CDH13: variants seen among roughly 807,000 people sequenced by gnomAD.
The protein encoded by CDH13 is cadherin-13.
A neutral mutation model predicts 63.8 loss-of-function variants in CDH13; 24 were observed. The observed-to-expected ratio is 0.38, with a 90% CI of 0.27 to 0.53. The LOEUF is 0.53. Among genes scored for constraint, CDH13 ranks in the 20% least tolerant of loss-of-function variants. The pLI is 0.85. For synonymous variants in CDH13, 503 were observed against 355.3 expected (o/e 1.42, Z -4.67); for missense variants, 1,049 against 903.1 (o/e 1.16, Z -2.07).
chr16:83,216,959 A>T (rs2039554517), intron 4 of CDH13, among the ~76,000 whole-genome samples: 1 of 152,156 alleles, frequency 6.6e-6, no homozygotes, highest in Non-Finnish European at 1.5e-5. Context: ...TGATCAATGC[A>T]TGCGCAGCAA....
intron 5 of CDH13, among the ~76,000 whole-genome samples, chr16:83,261,663 G>A (rs1907006420): frequency 6.6e-6 from 1 of 151,102 alleles, no homozygotes; most frequent in Admixed American, 6.6e-5. Context: ...GAGAAGCCCT[G>A]CAAAAAACTT....
chr16:83,060,602 T>G (rs1038532931), intron 3 of CDH13, among the ~76,000 whole-genome samples: 2 of 152,146 alleles, frequency 1.3e-5, no homozygotes, highest in African/African-American at 4.8e-5. Flanking sequence ...CCTCATAACT[T>G]GTAAGTAATG....
intron 2 of CDH13, among the ~76,000 whole-genome samples, chr16:82,896,319 T>C (rs928371625): frequency 7.2e-6 from 1 of 137,952 alleles, no homozygotes; most frequent in Admixed American, 7.5e-5. Flanking sequence ...TGAAACAAGG[T>C]CTTCCTCTGT....
intron 1 of CDH13, among the ~76,000 whole-genome samples, chr16:82,812,140 AATC>A (rs535569531): frequency 6.8e-4 from 103 of 152,178 alleles, no homozygotes; most frequent in African/African-American, 2.4e-3. Context: ...ATCTCCTAAC[AATC>A]ATTGTGCCAA....
intron 4 of CDH13, among the ~76,000 whole-genome samples, chr16:83,134,714 T>G (rs16959331): frequency 6.6e-6 from 1 of 152,270 alleles, no homozygotes; most frequent in South Asian, 2.1e-4. Context: ...AATTCTAACT[T>G]ATTTTTGCTA....
At chr16:83,118,045 T>A (rs1161996145) in intron 3 of CDH13, among the ~76,000 whole-genome samples, 1 of 152,100 alleles carries the variant, frequency 6.6e-6, no homozygotes, top group Non-Finnish European at 1.5e-5. Context: ...TGCGTGAGGC[T>A]CCCTGAAGAC....
At chr16:82,833,043 TA>T (rs1567581264) in intron 1 of CDH13, among the ~76,000 whole-genome samples, 1 of 152,216 alleles carries the variant, frequency 6.6e-6, no homozygotes, top group Non-Finnish European at 1.5e-5. Context: ...CTTACAGTTA[TA>T]CCTTTTTACC....
In CDH13 at chr16:82,811,183, C is replaced by T. The variant is rs77185638; in HGVS notation, c.46-47179C>T. Among the ~76,000 whole-genome samples, 970 of 152,228 alleles carry T rather than the reference C, an allele frequency of 6.4e-3. 13 individuals carry two copies. The highest frequency in any genetic ancestry group is 0.022 in the African/African-American group (909 of 41,544). ...TACCAGCTTGTCAAAGCTGATTACGCGAATTTCTTTCCAAATTCTTACTCA... is the reference window on the plus strand; with the variant it reads ...TACCAGCTTGTCAAAGCTGATTACGTGAATTTCTTTCCAAATTCTTACTCA... On this transcript the variant is annotated intron_variant, in intron 1 of 13. Coordinates refer to ENST00000567109, the MANE Select transcript of CDH13 (RefSeq NM_001257.5).
chr16:83,547,921 A>C (rs1265932305), intron 7 of CDH13, among the ~76,000 whole-genome samples: 1 of 152,144 alleles, frequency 6.6e-6, no homozygotes, highest in Non-Finnish European at 1.5e-5. Context: ...AAATGGTATA[A>C]GACAGCAGAC....
chr16:83,106,112 C>A (rs1260323135), intron 3 of CDH13, among the ~76,000 whole-genome samples: 2 of 152,230 alleles, frequency 1.3e-5, no homozygotes, highest in Admixed American at 6.5e-5. Flanking sequence ...AACCTTTGAT[C>A]CAGTAACACC....
At chr16:83,787,865 C>A (rs964213197) in intron 13 of CDH13, among the ~76,000 whole-genome samples, 18 of 152,138 alleles carry the variant, frequency 1.2e-4, no homozygotes, top group Non-Finnish European at 1.5e-5. Context: ...ATCGCTTGAA[C>A]CTGCCAGGCA....
At chr16:83,584,377 C>G (rs924636795) in intron 7 of CDH13, among the ~76,000 whole-genome samples, 1 of 152,106 alleles carries the variant, frequency 6.6e-6, no homozygotes, top group Non-Finnish European at 1.5e-5. Context: ...ACCTCATAAG[C>G]AGAGAGGAAG....
intron 2 of CDH13, among the ~76,000 whole-genome samples, chr16:82,890,903 C>G (rs2041057734): frequency 6.6e-6 from 1 of 152,104 alleles, no homozygotes; most frequent in African/African-American, 2.4e-5. Flanking sequence ...CTGCCCACCG[C>G]AGCCTCCCAA....
At chr16:83,095,588 T>C (rs1222969199) in intron 3 of CDH13, among the ~76,000 whole-genome samples, 1 of 152,176 alleles carries the variant, frequency 6.6e-6, no homozygotes, top group African/African-American at 2.4e-5. Context: ...TTCTTCAAGC[T>C]TATGTATTTG....
intron 11 of CDH13, among the ~76,000 whole-genome samples, chr16:83,761,083 T>C (rs1314116658): frequency 6.6e-6 from 1 of 152,232 alleles, no homozygotes; most frequent in Non-Finnish European, 1.5e-5. Context: ...AATTTTAAGA[T>C]GGTAGCAAAC....
At chr16:83,434,268 G>C (rs774836808) in intron 6 of CDH13, among the ~76,000 whole-genome samples, 13 of 152,152 alleles carry the variant, frequency 8.5e-5, no homozygotes, top group Non-Finnish European at 1.6e-4. Context: ...GAGAATCATA[G>C]GGCTTGGAAT....
At chr16:82,986,507 C>G (rs1023179466) in intron 2 of CDH13, among the ~76,000 whole-genome samples, 1 of 152,208 alleles carries the variant, frequency 6.6e-6, no homozygotes, top group African/African-American at 2.4e-5. Context: ...TTTACCACAG[C>G]AAGCTTTTAT....
chr16:83,422,977 C>A (rs2151472847), intron 6 of CDH13, among the ~76,000 whole-genome samples: 1 of 152,252 alleles, frequency 6.6e-6, no homozygotes, highest in East Asian at 1.9e-4. Flanking sequence ...ACTAGGAATA[C>A]AAAGGTAAAT....
chr16:82,679,885 C>G (rs1223523526), intron 1 of CDH13, among the ~76,000 whole-genome samples: 13 of 152,146 alleles, frequency 8.5e-5, no homozygotes, highest in East Asian at 1.9e-4. Context: ...GGAACCCTAT[C>G]TCATAAGATT....
Sources: gnomAD v4.1 joint callset for allele counts (sites outside exome capture counted in the v4.1 genomes callset) on GRCh38, gnomAD v4.1.1 for gene constraint, MANE v1.5 for transcripts, NCBI Gene and HGNC (gene_info 2026-07-23, HGNC 2026-07-21) for gene names.